The following RNLS variants were observed in gnomAD, a reference collection of about 807,000 sequenced individuals.
RNLS encodes renalase.
Under a neutral mutation model 39.8 loss-of-function variants are expected in RNLS, and 39 were observed. The ratio of observed to expected loss-of-function variants is 0.98; its 90% CI spans 0.76 to 1.28. RNLS has a LOEUF of 1.28. RNLS is among the 50% of genes most tolerant of loss of function. RNLS has a pLI of 0.00. For synonymous variants in RNLS, 147 were observed against 150.7 expected (o/e 0.98, Z 0.18); for missense variants, 410 against 413.3 (o/e 0.99, Z 0.07).
At chr10:88,436,426 C>T (rs1841415382) in intron 4 of RNLS, among the ~76,000 whole-genome samples, 1 of 152,106 alleles carries the variant, frequency 6.6e-6, no homozygotes, top group South Asian at 2.1e-4. Flanking sequence ...CAAATTCTAG[C>T]CCCCTGTTCC....
chr10:88,443,078 G>A (rs1841821702), intron 4 of RNLS, among the ~76,000 whole-genome samples: 1 of 152,056 alleles, frequency 6.6e-6, no homozygotes, highest in African/African-American at 2.4e-5. Context: ...GATTTAATCT[G>A]TTAAACATCT....
In RNLS at chr10:88,583,234, C is replaced by T. The variant is rs776620206; in HGVS notation, c.-44G>A. Reference sequence around the variant, plus strand: ...TCCGCGCTGAGTCTCTGCGGCGGGGCCGTTCGGCCCGGGCTTTCTGGAAAG... The same window carrying T: ...TCCGCGCTGAGTCTCTGCGGCGGGGTCGTTCGGCCCGGGCTTTCTGGAAAG... On this transcript the variant is annotated 5_prime_UTR_variant, in exon 1 of 7. Transcript: ENST00000331772. 4 of 1,606,478 alleles carry T rather than the reference C, an allele frequency of 2.5e-6. No homozygotes were observed. In the South Asian group the frequency reaches 4.4e-5, roughly 18 times the overall value.
intron 5 of RNLS, among the ~76,000 whole-genome samples, chr10:88,346,324 C>T (rs1848302788): frequency 6.6e-6 from 1 of 152,056 alleles, no homozygotes; most frequent in Admixed American, 6.6e-5. Flanking sequence ...CCTCAGAGAC[C>T]ACAGTAAAAC....
rs545598862 is a variant in RNLS, at chr10:88,485,079, C to T, written c.526+87824G>A. On this transcript the variant is annotated intron_variant, in intron 4 of 6. Transcript: ENST00000331772. ...TCTACACTGTCAACACAATCCCAAT[C>T]AAAATCCCAGCAGGTTTCTTTGTAG... 5.5e-4 allele frequency among the ~76,000 whole-genome samples: 83 copies of T among 152,040 alleles called. 1 individual carries two copies. The highest frequency in any genetic ancestry group is 1.8e-3 in the African/African-American group (76 of 41,554).
At chr10:88,279,699 A>G (rs117918787), downstream of RNLS, among the ~76,000 whole-genome samples, 263 of 152,294 alleles carry the variant, frequency 1.7e-3, no homozygotes, top group Middle Eastern at 6.8e-3. Flanking sequence ...CAAGCGTGCA[A>G]TTCTTTGCAT....
At chr10:88,503,997 T>C (rs1224194187) in intron 4 of RNLS, among the ~76,000 whole-genome samples, 1 of 152,140 alleles carries the variant, frequency 6.6e-6, no homozygotes, top group Non-Finnish European at 1.5e-5. Flanking sequence ...CCAACTGCCA[T>C]GTCTTGAGGA....
chr10:88,567,375 AT>A (rs1315601286), intron 4 of RNLS, among the ~76,000 whole-genome samples: 1 of 152,208 alleles, frequency 6.6e-6, no homozygotes, highest in Non-Finnish European at 1.5e-5. Flanking sequence ...TAATACAAAT[AT>A]TGAGAAATAC....
chr10:88,359,109 T>C (rs1319696390), intron 5 of RNLS, among the ~76,000 whole-genome samples: 1 of 152,042 alleles, frequency 6.6e-6, no homozygotes, highest in Non-Finnish European at 1.5e-5. Flanking sequence ...GGTCAGGGGT[T>C]CAAGACCAGA....
the RNLS span, among the ~76,000 whole-genome samples, chr10:88,203,392 A>ATGTGTATATATATATACACGTATG: frequency 1.2e-3 from 13 of 11,156 alleles, 3 homozygotes; most frequent in African/African-American, 5.6e-3. Context: ...ATATACACGT[A>ATGTGTATATATATATACACGTATG]TGTGTATATA....
chr10:88,340,644 T>C (rs1847861466), intron 5 of RNLS, among the ~76,000 whole-genome samples: 1 of 152,110 alleles, frequency 6.6e-6, no homozygotes, highest in Non-Finnish European at 1.5e-5. Context: ...ATATATATAC[T>C]CCAGAAATTT....
chr10:88,559,657 T>C (rs1822619527), intron 4 of RNLS, among the ~76,000 whole-genome samples: 1 of 51,048 alleles, frequency 2.0e-5, no homozygotes, highest in Non-Finnish European at 3.3e-5. Flanking sequence ...TTTCAGATTG[T>C]TTCACTCATT....
At chr10:88,203,262 GTGTATGTATATATATATA>G in the RNLS span, among the ~76,000 whole-genome samples, 1 of 17,490 alleles carries the variant, frequency 5.7e-5, no homozygotes, top group African/African-American at 3.3e-4. Context: ...GTGTGTGTGT[GTGTATGTATATATATATA>G]TATATATATA....
At chr10:88,551,575 GT>G (rs1265982814) in intron 4 of RNLS, among the ~76,000 whole-genome samples, 1 of 152,098 alleles carries the variant, frequency 6.6e-6, no homozygotes, top group Non-Finnish European at 1.5e-5. Context: ...TTTGGAGTTT[GT>G]GCTCAAATGA....
At chr10:88,328,082 A>AT (rs1253829310) in intron 5 of RNLS, among the ~76,000 whole-genome samples, 2 of 147,478 alleles carry the variant, frequency 1.4e-5, no homozygotes, top group African/African-American at 5.1e-5. Flanking sequence ...TAATTTTTGT[A>AT]TTTTTAGTAG....
intron 4 of RNLS, among the ~76,000 whole-genome samples, chr10:88,453,600 C>G (rs1307603788): frequency 6.6e-6 from 1 of 152,178 alleles, no homozygotes; most frequent in African/African-American, 2.4e-5. Flanking sequence ...TCTGGGAAAC[C>G]TAACCTGTGA....
intron 5 of RNLS, among the ~76,000 whole-genome samples, chr10:88,351,587 A>G (rs1287050305): frequency 1.3e-5 from 2 of 152,168 alleles, no homozygotes; most frequent in African/African-American, 4.8e-5. Context: ...CCATTGGTCT[A>G]TATCGCTGTT....
At chr10:88,339,885 T>C (rs915333693) in intron 5 of RNLS, among the ~76,000 whole-genome samples, 3 of 152,228 alleles carry the variant, frequency 2.0e-5, no homozygotes, top group Admixed American at 2.0e-4. Flanking sequence ...GAAGCTGATG[T>C]TGGGCTGTGA....
At chr10:88,581,511 T>C in intron 3 of RNLS, 56 bp downstream of exon 3, 1 of 1,472,520 alleles carries the variant, frequency 6.8e-7, no homozygotes, top group South Asian at 1.3e-5. Flanking sequence ...ACTATGTGTG[T>C]AACTTGTTTT....
At chr10:88,196,192 C>G in the RNLS span, among the ~76,000 whole-genome samples, 71 of 123,946 alleles carry the variant, frequency 5.7e-4, no homozygotes, top group Admixed American at 1.6e-3. Flanking sequence ...CCTACAATTT[C>G]GTATACTTTG....
Sources: allele counts gnomAD v4.1 joint callset (sites outside exome capture counted in the v4.1 genomes callset), GRCh38; gene constraint gnomAD v4.1.1; transcripts MANE v1.5; gene names NCBI Gene and HGNC (gene_info 2026-07-23, HGNC 2026-07-21).